Variants in TPST2 observed in about 807,000 individuals in gnomAD.
The protein encoded by TPST2 is protein-tyrosine sulfotransferase 2.
In TPST2, 16 loss-of-function variants were observed where a neutral mutation model predicts 27.8. That is an observed-to-expected ratio of 0.58 (90% CI 0.39 to 0.88). The LOEUF is 0.88. TPST2 is among the 40% of genes least tolerant of loss of function. TPST2 has a pLI of 0.00. For synonymous variants in TPST2, 229 were observed against 231.7 expected, an observed-to-expected ratio of 0.99 and a Z score of 0.10; for missense variants, 464 against 543.1, an observed-to-expected ratio of 0.85 and a Z score of 1.45.
intron 1 of TPST2, among the ~76,000 whole-genome samples, chr22:26,558,251 G>T (rs1410950555): frequency 6.6e-6 from 1 of 151,608 alleles, no homozygotes; most frequent in East Asian, 1.9e-4. Flanking sequence ...TGATTCTCCT[G>T]CCTCAGCCTC....
chr22:26,538,154 A>G (rs969547125), intron 3 of TPST2, among the ~76,000 whole-genome samples: 1 of 152,184 alleles, frequency 6.6e-6, no homozygotes, highest in African/African-American at 2.4e-5. Context: ...CATCCCAACT[A>G]AGAGGTGACT....
chr22:26,567,776 AAG>A (rs1927435927), intron 1 of TPST2, among the ~76,000 whole-genome samples: 1 of 152,260 alleles, frequency 6.6e-6, no homozygotes, highest in Non-Finnish European at 1.5e-5. Flanking sequence ...TACTTCATAA[AAG>A]AGGTTATCTA....
In TPST2 at chr22:26,569,249, T is replaced by C. The variant is rs182429500; in HGVS notation, c.-161+20804A>G. Among the ~76,000 whole-genome samples, 92 of 152,172 alleles carry C rather than the reference T, an allele frequency of 6.0e-4. 2 individuals are homozygous for C. Among genetic ancestry groups the C allele is most frequent in the Non-Finnish European group, 9.9e-4 (67 of 67,998 alleles). ...CCCGTTCCAGTAACAGTTCCATGGA[T>C]ACAAAGTACAAAAACAGGTGAAATT... is the stretch of plus-strand genomic sequence containing the variant. On this transcript the variant is annotated intron_variant, in intron 1 of 6. Transcript: ENST00000338754.
At chr22:26,551,883 CTTTTTTT>C (rs1163793644) in intron 1 of TPST2, among the ~76,000 whole-genome samples, 13 of 66,438 alleles carry the variant, frequency 2.0e-4, no homozygotes, top group South Asian at 4.7e-4. Flanking sequence ...TTTTCTTTTT[CTTTTTTT>C]TTTTTTTTTT....
intron 1 of TPST2, among the ~76,000 whole-genome samples, chr22:26,556,870 G>C (rs1317420643): frequency 6.6e-6 from 1 of 152,192 alleles, no homozygotes. Flanking sequence ...ATTTGCACCA[G>C]AAACACTTGA....
At chr22:26,586,778 G>C (rs893896960) in intron 1 of TPST2, among the ~76,000 whole-genome samples, 1 of 152,282 alleles carries the variant, frequency 6.6e-6, no homozygotes, top group East Asian at 1.9e-4. Context: ...GTTCAAGCTG[G>C]GGTGAACTAC....
chr22:26,540,726 C>T, intron 3 of TPST2, 63 bp downstream of exon 3: 1 of 1,466,242 alleles, frequency 6.8e-7, no homozygotes, highest in South Asian at 1.4e-5. Flanking sequence ...TGCTGATTTT[C>T]TTGCCTGGCG....
chr22:26,561,235 A>T, intron 1 of TPST2: 1 of 1,510,952 alleles, frequency 6.6e-7, no homozygotes, highest in South Asian at 1.4e-5. Context: ...CACTCCTTTT[A>T]AAGAAAAAAA....
At chr22:26,574,349 G>A (rs1388027228) in intron 1 of TPST2, among the ~76,000 whole-genome samples, 2 of 152,134 alleles carry the variant, frequency 1.3e-5, no homozygotes, top group Non-Finnish European at 2.9e-5. Flanking sequence ...AGGAAACTGA[G>A]GACCAGAGAA....
At chr22:26,561,991 C>T (rs1003180663) in intron 1 of TPST2, among the ~76,000 whole-genome samples, 1 of 152,206 alleles carries the variant, frequency 6.6e-6, no homozygotes, top group Non-Finnish European at 1.5e-5. Context: ...GGCTACACCC[C>T]GTGACATTTC....
At chr22:26,566,828 C>T (rs1927400465) in intron 1 of TPST2, among the ~76,000 whole-genome samples, 1 of 152,184 alleles carries the variant, frequency 6.6e-6, no homozygotes, top group African/African-American at 2.4e-5. Context: ...CCTCTGCTCT[C>T]CTCTCTTCCC....
At chr22:26,548,056 G>A (rs946218021) in intron 1 of TPST2, among the ~76,000 whole-genome samples, 1 of 152,160 alleles carries the variant, frequency 6.6e-6, no homozygotes, top group Admixed American at 6.5e-5. Flanking sequence ...GCCTCTCTGA[G>A]ACTTGGTTTT....
intron 2 of TPST2, among the ~76,000 whole-genome samples, chr22:26,544,161 C>CA (rs1926000904): frequency 6.6e-6 from 1 of 152,090 alleles, no homozygotes; most frequent in Admixed American, 6.6e-5. Context: ...CTTTCTTCTC[C>CA]AAAAAAGGAA....
intron 1 of TPST2, among the ~76,000 whole-genome samples, chr22:26,578,353 G>A (rs761191003): frequency 3.3e-5 from 5 of 152,134 alleles, no homozygotes; most frequent in Non-Finnish European, 5.9e-5. Context: ...CAGGAACAGC[G>A]CTTAGGAACC....
At chr22:26,564,414 C>T (rs949249368) in intron 1 of TPST2, among the ~76,000 whole-genome samples, 12 of 152,178 alleles carry the variant, frequency 7.9e-5, no homozygotes, top group Admixed American at 3.9e-4. Flanking sequence ...TCATGCAGGA[C>T]GGAGGACCAG....
intron 1 of TPST2, among the ~76,000 whole-genome samples, chr22:26,548,545 GA>G (rs57060489): frequency 1 from 151,436 of 151,552 alleles, 75,660 homozygotes; most frequent in Middle Eastern, 1. Context: ...GAAGGAGAAA[GA>G]AAAAAGAGAA....
At chr22:26,536,551 G>T in intron 3 of TPST2, 65 bp from the exon 4 acceptor site, 16 of 1,365,894 alleles carry the variant, frequency 1.2e-5, no homozygotes, top group Non-Finnish European at 1.4e-5. Context: ...CGGATTCCCT[G>T]CTCAGCCACT....
intron 1 of TPST2, among the ~76,000 whole-genome samples, chr22:26,586,658 G>C (rs1434407659): frequency 6.9e-6 from 1 of 145,784 alleles, no homozygotes; most frequent in Non-Finnish European, 1.5e-5. Flanking sequence ...GCTGGGAGGC[G>C]TGGTCTTAAC....
intron 1 of TPST2, among the ~76,000 whole-genome samples, chr22:26,577,375 C>T (rs959278964): frequency 6.7e-6 from 1 of 149,794 alleles, no homozygotes; most frequent in Non-Finnish European, 1.5e-5. Context: ...GACAAGGTCT[C>T]GCTCTGTCGC....
Sources: gnomAD v4.1 joint callset for allele counts (sites outside exome capture counted in the v4.1 genomes callset) on GRCh38, gnomAD v4.1.1 for gene constraint, MANE v1.5 for transcripts, NCBI Gene and HGNC (gene_info 2026-07-23, HGNC 2026-07-21) for gene names.